The following GCNT2 variants were observed in gnomAD, a reference collection of about 807,000 sequenced individuals.
The protein encoded by GCNT2 is N-acetyllactosaminide beta-1,6-N-acetylglucosaminyl-transferase.
Under a neutral mutation model 34.2 loss-of-function variants are expected in GCNT2, and 34 were observed. The ratio of observed to expected loss-of-function variants is 1.00; its 90% confidence interval spans 0.76 to 1.32. The LOEUF (loss-of-function observed/expected upper bound fraction) is 1.32, where lower values mean the gene tolerates loss of function less well. Ranked by LOEUF, GCNT2 falls within the 40% of genes most tolerant of loss-of-function variation. The pLI is 0.00. For missense variants in GCNT2, 584 were observed against 489.4 expected, an observed-to-expected ratio of 1.19 and a Z score of -1.82; for synonymous variants, 212 against 188.0, an observed-to-expected ratio of 1.13 and a Z score of -1.04.
chr6:10,592,729 ATTTGTTTG>A (rs528366032), intron 3 of GCNT2, among the ~76,000 whole-genome samples: 3 of 151,986 alleles, frequency 2.0e-5, no homozygotes, highest in Non-Finnish European at 4.4e-5. Context: ...TTTTATTTTT[ATTTGTTTG>A]TTTGTTTGTT....
intron 3 of GCNT2, among the ~76,000 whole-genome samples, chr6:10,602,785 G>A (rs1765139962): frequency 6.6e-6 from 1 of 152,164 alleles, no homozygotes; most frequent in Non-Finnish European, 1.5e-5. Flanking sequence ...GCCTTGTTTT[G>A]AAGGTGAAGA....
intron 3 of GCNT2, among the ~76,000 whole-genome samples, chr6:10,607,679 A>G (rs1169605151): frequency 6.6e-6 from 1 of 151,994 alleles, no homozygotes; most frequent in African/African-American, 2.4e-5. Context: ...TTATTTAGAA[A>G]AGCCCTAACT....
intron 3 of GCNT2, among the ~76,000 whole-genome samples, chr6:10,606,928 AATTT>A (rs1463053990): frequency 1.3e-5 from 2 of 151,710 alleles, no homozygotes; most frequent in African/African-American, 4.8e-5. Flanking sequence ...GAGACTAGGT[AATTT>A]ATTTATTATT....
chr6:10,588,861 GTA>G (rs1205020593), intron 3 of GCNT2, among the ~76,000 whole-genome samples: 1 of 146,846 alleles, frequency 6.8e-6, no homozygotes, highest in Non-Finnish European at 1.5e-5. Context: ...GTGTGTATGT[GTA>G]TGTGTGTGGG....
rs546444208 is a variant in GCNT2 at position 10,549,338 on chromosome 6, T to C, written c.925+19502T>C. On this transcript the variant is annotated intron_variant, in intron 3 of 4. Coordinates refer to ENST00000495262, the MANE Select transcript of GCNT2 (RefSeq NM_145649.5). ...AGCGAATCTTGACTTAGATATCTTTTGATGAATATATTTCATTTCTGTTGA... is the reference window on the plus strand; with the variant it reads ...AGCGAATCTTGACTTAGATATCTTTCGATGAATATATTTCATTTCTGTTGA... Among the ~76,000 whole-genome samples the C allele has an allele frequency of 3.7e-3, 569 of 152,290 alleles. 6 individuals are homozygous for C. The highest frequency in any genetic ancestry group is 4.8e-3 in the Non-Finnish European group (324 of 68,030).
rs1766388845 is a variant in GCNT2, at chr6:10,629,268, A to C, written c.*2661A>C. 1 of 152,568 alleles carries C rather than the reference A, an allele frequency of 6.6e-6. No homozygotes were observed. Among genetic ancestry groups the C allele is most frequent in the Non-Finnish European group, 1.5e-5 (1 of 68,018 alleles). The allele number at this position is 152,568 out of a possible 1,614,324, so 9.5% of individuals were successfully genotyped here. A position where few individuals can be genotyped will look rare whatever the true frequency, so the allele number is the denominator to read the frequency against. On this transcript the variant is annotated 3_prime_UTR_variant, in exon 5 of 5. Transcript: ENST00000495262. Reference sequence around the variant, plus strand: ...TAGTGTTTGGGCTAGTGGGTTTCTGACAGCCCATGGGAATGCCCTGAAACT... The same window carrying C: ...TAGTGTTTGGGCTAGTGGGTTTCTGCCAGCCCATGGGAATGCCCTGAAACT...
chr6:10,627,880 AAGG>A lies in GCNT2; in HGVS notation c.*1279_*1281del, dbSNP rs1766336066. On this transcript the variant is annotated 3_prime_UTR_variant, in exon 5 of 5. Coordinates refer to ENST00000495262, the MANE Select transcript of GCNT2 (RefSeq NM_145649.5). Reference sequence around the variant, plus strand: ...AGAGATTATTCAACAGAGAGGGAGAAAGGAGGAGACAGAGGGAGGACCTGTTGT... The same window carrying A: ...AGAGATTATTCAACAGAGAGGGAGAAAGGAGACAGAGGGAGGACCTGTTGT... 1 of 152,532 alleles carries A rather than the reference AAGG, an allele frequency of 6.6e-6. No homozygotes were observed. Among genetic ancestry groups the A allele is most frequent in the African/African-American group, 2.4e-5 (1 of 41,566 alleles). The allele number at this position is 152,532 out of a possible 1,614,324, so 9.4% of individuals were successfully genotyped here. A position where few individuals can be genotyped will look rare whatever the true frequency, so the allele number is the denominator to read the frequency against.
intron 3 of GCNT2, among the ~76,000 whole-genome samples, chr6:10,589,646 G>C (rs1764547755): frequency 6.6e-6 from 1 of 152,064 alleles, no homozygotes; most frequent in Non-Finnish European, 1.5e-5. Context: ...GAAGCAACCA[G>C]GCAGATTTGA....
intron 3 of GCNT2, among the ~76,000 whole-genome samples, chr6:10,561,350 CG>C (rs1762971995): frequency 6.6e-6 from 1 of 152,062 alleles, no homozygotes; most frequent in African/African-American, 2.4e-5. Context: ...TTAGTAGAGA[CG>C]GGGTTTCTCC....
intron 3 of GCNT2, among the ~76,000 whole-genome samples, chr6:10,579,064 C>A (rs144805180): frequency 6.6e-6 from 1 of 152,272 alleles, no homozygotes; most frequent in East Asian, 1.9e-4. Context: ...TTTCTCTGAT[C>A]TCTAGTGTGA....
intron 1 of GCNT2, among the ~76,000 whole-genome samples, chr6:10,523,113 A>G (rs1409572953): frequency 6.6e-6 from 1 of 152,010 alleles, no homozygotes; most frequent in Non-Finnish European, 1.5e-5. Context: ...AAGTTATTTG[A>G]CTGAGCTTGA....
In GCNT2 at chr6:10,548,304, A is replaced by G. The variant is rs1328995863; in HGVS notation, c.925+18468A>G. On this transcript the variant is annotated intron_variant, in intron 3 of 4. Transcript: ENST00000495262. ...CCTTAGGTCAAAGGATTTTTCTGTG[A>G]AGCAGATCTGGGCACTGACACCAAG... 3.3e-5 allele frequency among the ~76,000 whole-genome samples: 5 copies of G among 152,230 alleles called. No individual in the cohort carries two copies. In the East Asian group the frequency reaches 9.6e-4, roughly 29 times the overall value.
At position 10,582,113 on chromosome 6, in the gene GCNT2, TA is replaced by T. The variant is rs1049643698; in HGVS notation, c.926-39232del. ...AAAAATATATCTCTTAAAGTACATA[TA>T]AAAAACATTTATAAATGCATATATG... On this transcript the variant is annotated intron_variant, in intron 3 of 4. Coordinates refer to ENST00000495262, the MANE Select transcript of GCNT2 (RefSeq NM_145649.5). 4.3e-5 allele frequency among the ~76,000 whole-genome samples: 6 copies of T among 139,626 alleles called. No homozygotes were observed. The East Asian group carries it at 6.0e-4, about 14-fold the overall frequency. The allele number at this position is 139,626 out of a possible 152,430, so 91.6% of individuals were successfully genotyped here. A position where few individuals can be genotyped will look rare whatever the true frequency, so the allele number is the denominator to read the frequency against.
chr6:10,526,442 G>T (rs1056465751), intron 1 of GCNT2, among the ~76,000 whole-genome samples: 2 of 152,166 alleles, frequency 1.3e-5, no homozygotes, highest in Non-Finnish European at 2.9e-5. Context: ...AAAATCAACA[G>T]GAATAACTCC....
intron 3 of GCNT2, chr6:10,586,478 C>T: frequency 6.2e-7 from 1 of 1,614,172 alleles, no homozygotes; most frequent in Non-Finnish European, 8.5e-7. Context: ...TTTATGCAGG[C>T]ATTTCCAGAC....
At chr6:10,539,253 G>T (rs923401297) in intron 3 of GCNT2, among the ~76,000 whole-genome samples, 6 of 140,674 alleles carry the variant, frequency 4.3e-5, no homozygotes, top group Admixed American at 7.6e-5. Flanking sequence ...GCAGTGGTGC[G>T]ATCTCGGCCC....
chr6:10,573,350 ATTG>A (rs3064207), intron 3 of GCNT2: 9 of 871,252 alleles, frequency 1.0e-5, no homozygotes, highest in African/African-American at 3.7e-5. Flanking sequence ...TGTGGGTTTT[ATTG>A]TTGTTGTTAT....
chr6:10,544,026 T>TA (rs1762154558), intron 3 of GCNT2, among the ~76,000 whole-genome samples: 1 of 152,002 alleles, frequency 6.6e-6, no homozygotes, highest in Non-Finnish European at 1.5e-5. Context: ...AAAAAATAAA[T>TA]AAATGGGCCA....
chr6:10,548,209 G>A (rs1029782947), intron 3 of GCNT2, among the ~76,000 whole-genome samples: 1 of 152,126 alleles, frequency 6.6e-6, no homozygotes, highest in African/African-American at 2.4e-5. Flanking sequence ...ACTCCAGCCT[G>A]GGCAACAGAA....
Sources: allele counts gnomAD v4.1 joint callset (sites outside exome capture counted in the v4.1 genomes callset), GRCh38; gene constraint gnomAD v4.1.1; transcripts MANE v1.5; gene names NCBI Gene and HGNC (gene_info 2026-07-23, HGNC 2026-07-21).